The following DOCK1 variants were observed in gnomAD, a reference collection of about 807,000 sequenced individuals.
DOCK1 encodes the protein dedicator of cytokinesis protein 1.
A neutral mutation model predicts 262.7 loss-of-function variants in DOCK1; 138 were observed. That is an observed-to-expected ratio of 0.53 (90% CI 0.46 to 0.61). The LOEUF is 0.61. Among genes scored for constraint, DOCK1 ranks in the 20% least tolerant of loss-of-function variants. The pLI, the probability that DOCK1 is intolerant of heterozygous loss-of-function variation, is 0.00. For synonymous variants in DOCK1, 866 were observed against 867.4 expected, an observed-to-expected ratio of 1.00 and a Z score of 0.03; for missense variants, 1,908 against 2,370.7, an observed-to-expected ratio of 0.80 and a Z score of 4.05.
intron 1 of DOCK1, among the ~76,000 whole-genome samples, chr10:126,948,946 G>T (rs1446174328): frequency 1.3e-5 from 2 of 152,140 alleles, no homozygotes; most frequent in Non-Finnish European, 2.9e-5. Flanking sequence ...GGCCCCGCAA[G>T]CTGGGCTTTC....
chr10:127,255,807 A>G (rs1212755330), intron 28 of DOCK1, among the ~76,000 whole-genome samples: 1 of 152,256 alleles, frequency 6.6e-6, no homozygotes, highest in Non-Finnish European at 1.5e-5. Context: ...GAAAGCCAGC[A>G]ATTTCATGCA....
chr10:127,370,219 G>A (rs796304930), intron 33 of DOCK1, among the ~76,000 whole-genome samples: 5 of 152,308 alleles, frequency 3.3e-5, no homozygotes, highest in African/African-American at 1.2e-4. Context: ...AGAAACTAGA[G>A]CACTCTGGGC....
intron 27 of DOCK1, among the ~76,000 whole-genome samples, chr10:127,247,799 C>T (rs1356592997): frequency 6.6e-6 from 1 of 152,138 alleles, no homozygotes; most frequent in Admixed American, 6.5e-5. Flanking sequence ...ATTCTAAGGA[C>T]CCCCTACCAA....
intron 23 of DOCK1, among the ~76,000 whole-genome samples, chr10:127,062,046 C>G (rs1322515702): frequency 6.8e-6 from 1 of 147,796 alleles, no homozygotes; most frequent in Admixed American, 6.9e-5. Context: ...AAGCAATTCT[C>G]CTGTCTCAGC....
intron 51 of DOCK1, among the ~76,000 whole-genome samples, chr10:127,450,875 C>T (rs952199): frequency 6.6e-6 from 1 of 151,890 alleles, no homozygotes; most frequent in Non-Finnish European, 1.5e-5. Context: ...CAACAGAGAC[C>T]GTGTGGCCTG....
intron 46 of DOCK1, among the ~76,000 whole-genome samples, chr10:127,422,500 G>A (rs1405911696): frequency 2.6e-5 from 4 of 152,038 alleles, no homozygotes; most frequent in Admixed American, 1.3e-4. Flanking sequence ...TTTAATGAGT[G>A]AGAAGTTTTA....
At chr10:127,426,319 C>A (rs149881264) in intron 47 of DOCK1, among the ~76,000 whole-genome samples, 2 of 152,194 alleles carry the variant, frequency 1.3e-5, no homozygotes. Flanking sequence ...AATCTCACAG[C>A]GCCCAGGCAA....
chr10:127,148,121 A>G (rs1043091991), intron 27 of DOCK1, among the ~76,000 whole-genome samples: 5 of 151,988 alleles, frequency 3.3e-5, no homozygotes, highest in Non-Finnish European at 5.9e-5. Flanking sequence ...GTACACAGCA[A>G]TGCGTTTCAC....
chr10:126,923,098 A>C (rs1271852982), intron 1 of DOCK1, among the ~76,000 whole-genome samples: 1 of 152,086 alleles, frequency 6.6e-6, no homozygotes, highest in Non-Finnish European at 1.5e-5. Flanking sequence ...AACAAGAACG[A>C]AACTCCATCT....
intron 23 of DOCK1, among the ~76,000 whole-genome samples, chr10:127,088,259 G>A (rs554904237): frequency 1.3e-5 from 2 of 152,104 alleles, no homozygotes; most frequent in South Asian, 2.1e-4. Flanking sequence ...ACTGTTTACC[G>A]TCGTCTTCTG....
At chr10:127,131,332 C>T (rs1210172907) in intron 27 of DOCK1, among the ~76,000 whole-genome samples, 2 of 152,084 alleles carry the variant, frequency 1.3e-5, no homozygotes, top group African/African-American at 2.4e-5. Flanking sequence ...AGGTCTTAAA[C>T]GGACTCCTCC....
At chr10:127,322,635 A>G (rs1407893845) in intron 29 of DOCK1, among the ~76,000 whole-genome samples, 1 of 152,228 alleles carries the variant, frequency 6.6e-6, no homozygotes, top group Non-Finnish European at 1.5e-5. Flanking sequence ...AAAGGCAAGA[A>G]TACTATTTTA....
At chr10:127,046,070 C>T (rs1458708553) in intron 21 of DOCK1, among the ~76,000 whole-genome samples, 3 of 152,030 alleles carry the variant, frequency 2.0e-5, no homozygotes, top group Non-Finnish European at 2.9e-5. Flanking sequence ...AAGTCCTTCT[C>T]TTTGCAAATC....
chr10:127,052,936 T>A, intron 22 of DOCK1, 121 bp downstream of exon 22: 1 of 1,441,522 alleles, frequency 6.9e-7, no homozygotes, highest in South Asian at 1.4e-5. Context: ...TTTTTCCCCC[T>A]TGCTTTCTAG....
chr10:127,162,234 G>A (rs949765597), intron 27 of DOCK1, among the ~76,000 whole-genome samples: 7 of 152,102 alleles, frequency 4.6e-5, no homozygotes, highest in Admixed American at 6.5e-5. Context: ...TCAGACACCC[G>A]TGTAATCTCC....
chr10:127,091,222 A>T (rs12764030), intron 23 of DOCK1, among the ~76,000 whole-genome samples: 23,607 of 152,060 alleles, frequency 0.16, 2,205 homozygotes, highest in African/African-American at 0.26. Context: ...TGACCTCGCG[A>T]TCCGCCCGAC....
intron 21 of DOCK1, among the ~76,000 whole-genome samples, chr10:127,050,145 A>G (rs1184453442): frequency 1.3e-5 from 2 of 151,642 alleles, no homozygotes; most frequent in African/African-American, 4.8e-5. Context: ...GGCAGTAAAC[A>G]TCATTTGATT....
intron 27 of DOCK1, among the ~76,000 whole-genome samples, chr10:127,239,264 T>G (rs2059178465): frequency 6.6e-6 from 1 of 152,228 alleles, no homozygotes; most frequent in Non-Finnish European, 1.5e-5. Context: ...GCATACAACA[T>G]ATGTATGTAT....
intron 1 of DOCK1, among the ~76,000 whole-genome samples, chr10:126,960,215 C>T (rs1200554029): frequency 6.6e-6 from 1 of 152,064 alleles, no homozygotes; most frequent in Non-Finnish European, 1.5e-5. Flanking sequence ...GCATTTGTGG[C>T]ACTCCAGGTG....
Sources: allele counts gnomAD v4.1 joint callset (sites outside exome capture counted in the v4.1 genomes callset), GRCh38; gene constraint gnomAD v4.1.1; transcripts MANE v1.5; gene names NCBI Gene and HGNC (gene_info 2026-07-23, HGNC 2026-07-21).